CRHBP: variants seen among roughly 807,000 people sequenced by gnomAD.
CRHBP encodes the protein corticotropin releasing hormone binding protein.
Under a neutral mutation model 34.9 loss-of-function variants are expected in CRHBP, and 19 were observed. That is an observed-to-expected ratio of 0.55 (90% CI 0.38 to 0.80). CRHBP has a LOEUF of 0.80. Among genes scored for constraint, CRHBP ranks in the 30% least tolerant of loss-of-function variants. CRHBP has a pLI of 0.00. For synonymous variants in CRHBP, 154 were observed against 153.4 expected (o/e 1.00, Z -0.03); for missense variants, 328 against 409.2 (o/e 0.80, Z 1.71).
Position 76,977,607 on chromosome 5 carries a change from G to A in CRHBP, n.467+1087G>A, listed in dbSNP as rs569910100. ...GATAAATGTGTGTTTTGACTTCTCC[G>A]CCTACTGGCTGTTTGTTCCCCTGTC... On this transcript the variant is annotated intron_variant and non_coding_transcript_variant, in intron 3 of 3. Transcript: ENST00000514258. Among the ~76,000 whole-genome samples the A allele has an allele frequency of 1.4e-4, 21 of 152,286 alleles. No individual in the cohort carries two copies. In the South Asian group the frequency reaches 2.3e-3, roughly 17 times the overall value.
chr5:76,976,668 C>T (rs1055926567), intron 3 of CRHBP: 41 of 152,192 alleles, frequency 2.7e-4, no homozygotes, highest in African/African-American at 9.7e-4. Flanking sequence ...CCAGTCAAGG[C>T]ACATGGTAGA....
chr5:76,955,466 T>C (rs1457816298), intron 3 of CRHBP, among the ~76,000 whole-genome samples, 187 bp from the exon 4 acceptor site: 1 of 152,194 alleles, frequency 6.6e-6, no homozygotes, highest in East Asian at 1.9e-4. Context: ...ATTAATACTA[T>C]TACTTGCAAA....
intron 2 of CRHBP, 61 bp from the exon 3 acceptor site, chr5:76,953,968 C>T: frequency 3.2e-6 from 5 of 1,541,414 alleles, no homozygotes; most frequent in South Asian, 1.2e-5. Flanking sequence ...AGCGGCCGCC[C>T]GAGGACGGCG....
intron 6 of CRHBP, among the ~76,000 whole-genome samples, chr5:76,967,274 A>G (rs1031796549): frequency 6.6e-6 from 1 of 152,136 alleles, no homozygotes; most frequent in African/African-American, 2.4e-5. Context: ...AGAAAAAGAA[A>G]TTTGGACCTC....
intron 4 of CRHBP, 82 bp downstream of exon 4, chr5:76,955,945 A>G: frequency 8.1e-7 from 1 of 1,233,626 alleles, no homozygotes; most frequent in Non-Finnish European, 1.1e-6. Flanking sequence ...ACTTAAAGAA[A>G]TTTGAACTGA....
Position 76,967,528 on chromosome 5 carries a change from GA to G in CRHBP, c.812-1197del, listed in dbSNP as rs569521213. 1.7e-3 allele frequency among the ~76,000 whole-genome samples: 265 copies of G among 152,224 alleles called. 7 individuals are homozygous for G. Among genetic ancestry groups the G allele is most frequent in the Admixed American group, 0.015 (234 of 15,280 alleles). ...AAAGATTGAGAAAACTAAAACAGCA[GA>G]AATGATTATTGTAGAGCAGATAAAT... On this transcript the variant is annotated intron_variant, in intron 6 of 6. Transcript: ENST00000274368.
rs1452778756 is a variant in CRHBP, at chr5:76,958,763, T to C, written c.567T>C (p.Thr189=). The change falls in exon 5 of 7, where the codon ACT becomes ACC. Residue 189 remains threonine, a synonymous_variant. Transcript: ENST00000274368. ...AAGCTTGCAATGTCATTTCTCAGAC[T>C]CCAAATGGAAAGTTTACCCTGGTAG... The part of the protein sequence containing the change: ...NLFPCNVISQ[T]PNGKFTLVVP... 1.2e-6 allele frequency: 2 copies of C among 1,611,436 alleles called. No homozygotes were observed. Among genetic ancestry groups the C allele is most frequent in the Non-Finnish European group, 1.7e-6 (2 of 1,179,396 alleles).
downstream of CRHBP, among the ~76,000 whole-genome samples, chr5:76,970,423 C>G (rs940202397): frequency 2.0e-5 from 3 of 151,892 alleles, no homozygotes; most frequent in Non-Finnish European, 2.9e-5. Context: ...AAAAAAAAAC[C>G]CAACTAATTG....
intron 6 of CRHBP, 81 bp from the exon 7 acceptor site, chr5:76,968,647 T>C (rs1561267938): frequency 6.9e-7 from 1 of 1,446,190 alleles, no homozygotes; most frequent in Admixed American, 2.1e-5. Context: ...TTTCATTATG[T>C]TTAAGTGATC....
rs768911914 is a variant in CRHBP, at chr5:76,968,882, T to C, written c.966T>C (p.Leu322=). 1 of 1,613,018 alleles carries C rather than the reference T, an allele frequency of 6.2e-7. No individual in the cohort carries two copies. The highest frequency in any genetic ancestry group is 8.5e-7 in the Non-Finnish European group (1 of 1,179,390). The change falls in exon 7 of 7, where the codon CTT becomes CTC. Residue 322 remains leucine (L), a synonymous_variant. Coordinates refer to ENST00000274368, the MANE Select transcript of CRHBP (RefSeq NM_001882.4). ...NSIGEFCLSG[L] is the part of the protein sequence containing the mutation. ...TCGGGGAATTCTGTTTGTCTGGTCTTTGAATAACCAACCCAGTGATTTACA... is the reference window on the plus strand; with the variant it reads ...TCGGGGAATTCTGTTTGTCTGGTCTCTGAATAACCAACCCAGTGATTTACA...
Position 76,959,762 on chromosome 5 carries a change from G to A in CRHBP, c.693+873G>A, listed in dbSNP as rs1055525697. On this transcript the variant is annotated intron_variant, in intron 5 of 6. Coordinates refer to ENST00000274368, the MANE Select transcript of CRHBP (RefSeq NM_001882.4). ...TAAGTTGGAACTTAGTGGAAGAATAGTCCTTTGATAAGGACATTTTTGGGT... is the reference window on the plus strand; with the variant it reads ...TAAGTTGGAACTTAGTGGAAGAATAATCCTTTGATAAGGACATTTTTGGGT... 4.6e-5 allele frequency among the ~76,000 whole-genome samples: 7 copies of A among 152,294 alleles called. No individual in the cohort carries two copies. The East Asian group carries it at 1.2e-3, about 25-fold the overall frequency.
chr5:76,963,525 T>C (rs7728378), intron 6 of CRHBP, 65 bp downstream of exon 6: 567,513 of 1,357,524 alleles, frequency 0.42, 126,029 homozygotes, highest in African/African-American at 0.77. Flanking sequence ...AGCACTCCCC[T>C]AATATTTTCT....
At chr5:76,980,692 C>T (rs1002205358) in intron 3 of CRHBP, among the ~76,000 whole-genome samples, 3 of 152,088 alleles carry the variant, frequency 2.0e-5, no homozygotes, top group Non-Finnish European at 4.4e-5. Context: ...AAATTACTTC[C>T]GTAAGTTGGG....
downstream of CRHBP, among the ~76,000 whole-genome samples, chr5:76,974,121 T>C (rs1745986023): frequency 6.6e-6 from 1 of 151,856 alleles, no homozygotes; most frequent in Non-Finnish European, 1.5e-5. Context: ...GCCTCCCAAG[T>C]AGCTGGAATT....
chr5:76,954,686 C>A (rs922575888), intron 3 of CRHBP, among the ~76,000 whole-genome samples: 2 of 152,170 alleles, frequency 1.3e-5, no homozygotes, highest in Non-Finnish European at 2.9e-5. Context: ...AGGCTGTCTT[C>A]AGTGCGCGGG....
intron 3 of CRHBP, among the ~76,000 whole-genome samples, chr5:76,977,403 G>GTGT: frequency 6.6e-6 from 1 of 152,256 alleles, no homozygotes; most frequent in South Asian, 2.1e-4. Flanking sequence ...CCAACAACAT[G>GTGT]TGTTCACTTC....
At chr5:76,976,746 C>T (rs188290011) in intron 3 of CRHBP, among the ~76,000 whole-genome samples, 1 of 152,322 alleles carries the variant, frequency 6.6e-6, no homozygotes, top group East Asian at 1.9e-4. Flanking sequence ...ATAATTTTAT[C>T]TTAAATGCTT....
In CRHBP at chr5:76,953,093, A is replaced by G; in HGVS notation, c.-42A>G. ...GAGGGTGTAGGAAGGAAAGCCCAGG[A>G]CCTCCGGAGCAGAGCACAGCAGCTG... On this transcript the variant is annotated 5_prime_UTR_variant, in exon 1 of 7. Coordinates refer to ENST00000274368, the MANE Select transcript of CRHBP (RefSeq NM_001882.4). The G allele has an allele frequency of 6.2e-7, 1 of 1,601,934 alleles. No individual in the cohort carries two copies. The highest frequency in any genetic ancestry group is 8.6e-7 in the Non-Finnish European group (1 of 1,169,022).
At chr5:76,968,243 C>A (rs1745891073) in intron 6 of CRHBP, among the ~76,000 whole-genome samples, 1 of 145,330 alleles carries the variant, frequency 6.9e-6, no homozygotes, top group Admixed American at 7.0e-5. Flanking sequence ...TCCCGCAGTA[C>A]ATTCCATCCT....
Sources: gnomAD v4.1 joint callset for allele counts (sites outside exome capture counted in the v4.1 genomes callset) on GRCh38, gnomAD v4.1.1 for gene constraint, MANE v1.5 for transcripts, NCBI Gene and HGNC (gene_info 2026-07-23, HGNC 2026-07-21) for gene names.